RB1: variants seen among roughly 807,000 people sequenced by gnomAD.
RB1 encodes RB transcriptional corepressor 1, also known as retinoblastoma-associated protein.
A neutral mutation model predicts 135.4 loss-of-function variants in RB1; 18 were observed. The observed-to-expected ratio is 0.13, with a 90% CI of 0.09 to 0.20. The LOEUF (loss-of-function observed/expected upper bound fraction) is 0.20. Among genes scored for constraint, RB1 ranks in the 10% least tolerant of loss-of-function variants. The probability of loss-of-function intolerance (pLI) is 1.00; values close to 1 mark genes in which losing one functional copy is unlikely to be tolerated. For synonymous variants in RB1, 365 were observed against 373.2 expected, an observed-to-expected ratio of 0.98 and a Z score of 0.25; for missense variants, 868 against 1,110.0, an observed-to-expected ratio of 0.78 and a Z score of 3.10.
chr13:48,326,775 T>C (rs1239005580), intron 2 of RB1, among the ~76,000 whole-genome samples: 3 of 152,108 alleles, frequency 2.0e-5, no homozygotes, highest in South Asian at 2.1e-4. Flanking sequence ...AAATACAATA[T>C]TGTAGTAGGA....
chr13:48,321,608 C>T (rs891027712), intron 2 of RB1, among the ~76,000 whole-genome samples: 3 of 152,052 alleles, frequency 2.0e-5, no homozygotes, highest in Non-Finnish European at 4.4e-5. Flanking sequence ...GTAATCCTAG[C>T]ACTTTCGGAA....
intron 17 of RB1, chr13:48,391,343 C>G (rs1823135896): frequency 6.6e-6 from 1 of 152,174 alleles, no homozygotes; most frequent in African/African-American, 2.4e-5. Flanking sequence ...CCAATTATCT[C>G]TTAAAGAGAA....
intron 1 of RB1, among the ~76,000 whole-genome samples, chr13:48,305,716 T>C (rs1210483541): frequency 6.6e-6 from 1 of 151,950 alleles, no homozygotes; most frequent in African/African-American, 2.4e-5. Flanking sequence ...CCACAAAGGG[T>C]TTCATTAACA....
At chr13:48,411,935 ATT>A in intron 17 of RB1, 1 of 1,607,066 alleles carries the variant, frequency 6.2e-7, no homozygotes, top group Non-Finnish European at 8.5e-7. Flanking sequence ...CTTCTGAGGC[ATT>A]GTTACCCTGA....
chr13:48,391,224 A>T (rs1026579315), intron 17 of RB1, among the ~76,000 whole-genome samples: 1 of 152,202 alleles, frequency 6.6e-6, no homozygotes, highest in Non-Finnish European at 1.5e-5. Context: ...GAATCTTAGA[A>T]TAGTATATTT....
chr13:48,479,764 T>C (rs554125958), intron 26 of RB1, among the ~76,000 whole-genome samples: 1 of 152,300 alleles, frequency 6.6e-6, no homozygotes, highest in Admixed American at 6.5e-5. Flanking sequence ...TTGGGATATA[T>C]ATCACCTCAA....
chr13:48,461,811 C>T (rs1038119713), intron 20 of RB1, among the ~76,000 whole-genome samples: 4 of 151,868 alleles, frequency 2.6e-5, no homozygotes, highest in African/African-American at 7.3e-5. Flanking sequence ...TCTATCAGAC[C>T]GTTTGCCCAT....
intron 17 of RB1, among the ~76,000 whole-genome samples, chr13:48,395,556 AAC>A (rs1948641253): frequency 1.3e-5 from 2 of 151,984 alleles, no homozygotes; most frequent in South Asian, 4.1e-4. Context: ...GAACTGAAAA[AAC>A]ACAACACGAG....
At chr13:48,307,548 C>T (rs1952092378) in intron 2 of RB1, 142 bp downstream of exon 2, 2 of 908,650 alleles carry the variant, frequency 2.2e-6, no homozygotes, top group Admixed American at 2.6e-5. Context: ...GGAAATTTAC[C>T]TCTGCTAACA....
chr13:48,305,967 T>A (rs1184982334), intron 1 of RB1, among the ~76,000 whole-genome samples: 1 of 152,178 alleles, frequency 6.6e-6, no homozygotes, highest in Admixed American at 6.5e-5. Flanking sequence ...GTTGAAATAA[T>A]CAAAGGTTAA....
intron 17 of RB1, among the ~76,000 whole-genome samples, chr13:48,395,118 A>G (rs958597213): frequency 6.6e-6 from 1 of 152,094 alleles, no homozygotes; most frequent in African/African-American, 2.4e-5. Flanking sequence ...TCTGGAGTGG[A>G]CCTCCAGCAA....
intron 17 of RB1, among the ~76,000 whole-genome samples, chr13:48,420,610 G>A (rs1302327981): frequency 6.6e-6 from 1 of 152,194 alleles, no homozygotes; most frequent in Non-Finnish European, 1.5e-5. Context: ...TCTGTTTGCA[G>A]AGACAATGAT....
intron 11 of RB1, among the ~76,000 whole-genome samples, chr13:48,372,793 A>G (rs756026874): frequency 3.9e-5 from 6 of 152,250 alleles, no homozygotes; most frequent in Non-Finnish European, 2.9e-5. Flanking sequence ...TCTTTGCATA[A>G]TTAAAGTGTC....
At chr13:48,396,088 T>G (rs990769469) in intron 17 of RB1, among the ~76,000 whole-genome samples, 6 of 152,182 alleles carry the variant, frequency 3.9e-5, no homozygotes, top group African/African-American at 1.4e-4. Context: ...AATTTATAGA[T>G]TCAATGCTAT....
At chr13:48,351,913 A>T (rs1952552257) in intron 6 of RB1, among the ~76,000 whole-genome samples, 1 of 152,080 alleles carries the variant, frequency 6.6e-6, no homozygotes, top group Non-Finnish European at 1.5e-5. Context: ...ACCTCAGGTG[A>T]TCCATGCACC....
At chr13:48,440,186 T>C (rs1215686312) in intron 17 of RB1, among the ~76,000 whole-genome samples, 2 of 152,178 alleles carry the variant, frequency 1.3e-5, no homozygotes, top group Admixed American at 6.5e-5. Context: ...CTCTGATATA[T>C]GCTGCCTCCC....
In RB1 at chr13:48,347,771, A is replaced by G. The variant is rs1375097558; in HGVS notation, c.501-54A>G. The G allele has an allele frequency of 1.6e-5, 20 of 1,257,786 alleles. No homozygotes were observed. In the Admixed American group the frequency reaches 3.5e-4, roughly 22 times the overall value. The allele number at this position is 1,257,786 out of a possible 1,614,324, so 77.9% of individuals were successfully genotyped here. ...ATAAATAAAGCATGAGAAAACTACT[A>G]TGACTTCTAAATTACGAAAAAATGT... On this transcript the variant is annotated intron_variant, in intron 4 of 26. Transcript: ENST00000267163.
At chr13:48,355,752 G>C (rs1952584318) in intron 6 of RB1, among the ~76,000 whole-genome samples, 1 of 151,954 alleles carries the variant, frequency 6.6e-6, no homozygotes, top group African/African-American at 2.4e-5. Context: ...AAAAGAACAA[G>C]GTCTAGTCAT....
chr13:48,408,723 T>C (rs144435537), intron 17 of RB1: 2 of 152,340 alleles, frequency 1.3e-5, no homozygotes, highest in East Asian at 1.9e-4. Flanking sequence ...CTGTTATGTA[T>C]TGCTTTATGA....
Sources: gnomAD v4.1 joint callset for allele counts (sites outside exome capture counted in the v4.1 genomes callset) on GRCh38, gnomAD v4.1.1 for gene constraint, MANE v1.5 for transcripts, NCBI Gene and HGNC (gene_info 2026-07-23, HGNC 2026-07-21) for gene names.